Variants in CCDC73 observed in about 807,000 individuals in gnomAD.
CCDC73 encodes the protein coiled-coil domain-containing protein 73.
A neutral mutation model predicts 116.5 loss-of-function variants in CCDC73; 95 were observed. That is an observed-to-expected ratio of 0.82 (90% CI 0.69 to 0.97). The LOEUF (loss-of-function observed/expected upper bound fraction) is 0.97. CCDC73 is among the 50% of genes least tolerant of loss of function. CCDC73 has a pLI of 0.00. For synonymous variants in CCDC73, 398 were observed against 401.3 expected (o/e 0.99, Z 0.10); for missense variants, 1,066 against 1,206.8 (o/e 0.88, Z 1.73).
In CCDC73 at chr11:32,776,925, T is replaced by TAA. The variant is rs747492382; in HGVS notation, c.-15-16669_-15-16668dup. ...AGTATTTCTTCCTACAGAGTATGGT[T>TAA]AAAAAAAAAAAATATATATATATAT... On this transcript the variant is annotated intron_variant, in intron 1 of 17. Transcript: ENST00000335185. 3.9e-3 allele frequency among the ~76,000 whole-genome samples: 498 copies of TAA among 126,962 alleles called. 3 individuals are homozygous for TAA. Among genetic ancestry groups the TAA allele is most frequent in the African/African-American group, 0.011 (343 of 31,912 alleles). The allele number at this position is 126,962 out of a possible 152,430, so 83.3% of individuals were successfully genotyped here.
intron 2 of CCDC73, among the ~76,000 whole-genome samples, chr11:32,729,345 T>C (rs1430559278): frequency 6.6e-6 from 1 of 152,224 alleles, no homozygotes; most frequent in Non-Finnish European, 1.5e-5. Context: ...GCAAAGGACA[T>C]GATCTCGTTC....
the CCDC73 span, among the ~76,000 whole-genome samples, chr11:32,822,087 G>T: frequency 6.6e-6 from 1 of 152,116 alleles, no homozygotes; most frequent in Non-Finnish European, 1.5e-5. Context: ...GAGGTAAATG[G>T]TTTGGGAATA....
At chr11:32,803,634 G>C in the CCDC73 span, among the ~76,000 whole-genome samples, 6 of 152,108 alleles carry the variant, frequency 3.9e-5, no homozygotes, top group Non-Finnish European at 7.3e-5. Context: ...GCCTGAAATA[G>C]TATGCATTAA....
intron 17 of CCDC73, chr11:32,603,603 G>A (rs1048928210): frequency 1.3e-5 from 2 of 151,944 alleles, no homozygotes; most frequent in Admixed American, 1.3e-4. Flanking sequence ...CAGTTTCTTA[G>A]GTCATTAAAA....
intron 17 of CCDC73, among the ~76,000 whole-genome samples, chr11:32,609,474 C>T (rs1321380679): frequency 3.3e-5 from 5 of 152,178 alleles, no homozygotes; most frequent in Admixed American, 1.3e-4. Flanking sequence ...TCGTCCATAT[C>T]ATTGTCAACA....
intron 14 of CCDC73, among the ~76,000 whole-genome samples, chr11:32,631,548 C>T (rs1855630158): frequency 6.7e-6 from 1 of 149,248 alleles, no homozygotes; most frequent in South Asian, 2.1e-4. Flanking sequence ...TATTTTGAGC[C>T]TGGGCAACAT....
intron 1 of CCDC73, among the ~76,000 whole-genome samples, chr11:32,779,181 G>A (rs569938244): frequency 1.4e-4 from 21 of 150,608 alleles, no homozygotes; most frequent in South Asian, 1.3e-3. Context: ...GTTGCAACCA[G>A]TGAAGAGTAG....
chr11:32,695,834 TG>T (rs1856306265), intron 6 of CCDC73, among the ~76,000 whole-genome samples: 1 of 151,476 alleles, frequency 6.6e-6, no homozygotes, highest in South Asian at 2.1e-4. Context: ...TTTTTGTTTT[TG>T]TTTTTTTTTA....
chr11:32,737,231 C>CTGTGTG (rs200606807), intron 2 of CCDC73, among the ~76,000 whole-genome samples: 2,678 of 137,600 alleles, frequency 0.019, 50 homozygotes, highest in Non-Finnish European at 0.028. Context: ...CATAGTAGGG[C>CTGTGTG]TGTGTGTGTG....
rs1368068252 is a variant in CCDC73 at position 32,736,975 on chromosome 11, CAT to C, written c.136-18830_136-18829del. Among the ~76,000 whole-genome samples, 10 of 149,006 alleles carry C rather than the reference CAT, an allele frequency of 6.7e-5. No homozygotes were observed. The Admixed American group carries it at 6.8e-4, about 10-fold the overall frequency. On this transcript the variant is annotated intron_variant, in intron 2 of 17. Coordinates refer to ENST00000335185, the MANE Select transcript of CCDC73 (RefSeq NM_001008391.4). ...ATATACACACATATACATATATATA[CAT>C]ATATATGTATATATGTATATATATA...
At chr11:32,681,689 C>T (rs567024154) in intron 7 of CCDC73, 1 of 151,988 alleles carries the variant, frequency 6.6e-6, no homozygotes, top group African/African-American at 2.4e-5. Context: ...TATCTTGTTT[C>T]CTGTCTTGCC....
At chr11:32,784,772 C>T (rs1038741474) in intron 1 of CCDC73, among the ~76,000 whole-genome samples, 2 of 152,100 alleles carry the variant, frequency 1.3e-5, no homozygotes, top group Non-Finnish European at 2.9e-5. Context: ...TTTCTATAAG[C>T]AGTGTAAATA....
chr11:32,730,661 C>G (rs1014956670), intron 2 of CCDC73, among the ~76,000 whole-genome samples: 1 of 152,138 alleles, frequency 6.6e-6, no homozygotes, highest in Non-Finnish European at 1.5e-5. Flanking sequence ...TCCTACTGGG[C>G]TTCACAGAGC....
intron 2 of CCDC73, among the ~76,000 whole-genome samples, chr11:32,750,428 G>C (rs1157224085): frequency 6.6e-6 from 1 of 152,152 alleles, no homozygotes; most frequent in Non-Finnish European, 1.5e-5. Context: ...CTTCTTTTCA[G>C]GGAAGTGACT....
chr11:32,687,122 A>T (rs1316705539), intron 6 of CCDC73, among the ~76,000 whole-genome samples: 1 of 152,212 alleles, frequency 6.6e-6, no homozygotes, highest in Admixed American at 6.5e-5. Context: ...AGTCCCCCAA[A>T]TACTGTGCTT....
intron 7 of CCDC73, among the ~76,000 whole-genome samples, chr11:32,678,896 A>AT (rs1357787230): frequency 2.8e-4 from 38 of 133,604 alleles, no homozygotes; most frequent in African/African-American, 6.6e-4. Flanking sequence ...AAAAAAAAAA[A>AT]AATATATATA....
intron 1 of CCDC73, among the ~76,000 whole-genome samples, chr11:32,768,035 C>T (rs182229363): frequency 3.9e-5 from 6 of 152,228 alleles, no homozygotes; most frequent in East Asian, 1.9e-4. Flanking sequence ...ATGGTTATTG[C>T]GGCACTATTC....
intron 9 of CCDC73, 119 bp from the exon 10 acceptor site, chr11:32,655,091 C>T (rs1238466213): frequency 4.9e-6 from 2 of 408,992 alleles, no homozygotes; most frequent in African/African-American, 1.8e-4. Context: ...TTATAATTCC[C>T]TTGCAAGTTC....
chr11:32,691,209 C>A (rs892711829), intron 6 of CCDC73, among the ~76,000 whole-genome samples: 1 of 151,958 alleles, frequency 6.6e-6, no homozygotes, highest in Non-Finnish European at 1.5e-5. Flanking sequence ...CACACCCCAT[C>A]AAATTTTTGT....
Sources: allele counts gnomAD v4.1 joint callset (sites outside exome capture counted in the v4.1 genomes callset), GRCh38; gene constraint gnomAD v4.1.1; transcripts MANE v1.5; gene names NCBI Gene and HGNC (gene_info 2026-07-23, HGNC 2026-07-21).